The following ITGB1 variants were observed in gnomAD, a reference collection of about 807,000 sequenced individuals.
The protein encoded by ITGB1 is integrin subunit beta 1.
A neutral mutation model predicts 86.5 loss-of-function variants in ITGB1; 24 were observed. That is an observed-to-expected ratio of 0.28 (90% confidence interval 0.20 to 0.39). ITGB1 has a LOEUF of 0.39. Ranked by LOEUF, ITGB1 falls within the 10% of genes least tolerant of loss-of-function variation. The pLI, the probability that ITGB1 is intolerant of heterozygous loss-of-function variation, is 1.00. For missense variants in ITGB1, 556 were observed against 946.9 expected, an observed-to-expected ratio of 0.59 and a Z score of 5.42; for synonymous variants, 323 against 316.8, an observed-to-expected ratio of 1.02 and a Z score of -0.21.
chr10:32,936,224 C>G (rs560657818), intron 1 of ITGB1: 1 of 152,246 alleles, frequency 6.6e-6, no homozygotes, highest in Admixed American at 6.5e-5. Flanking sequence ...CACCTGAGGT[C>G]AGGAGTTTGA....
At chr10:32,920,506 C>A in intron 9 of ITGB1, 121 bp from the exon 10 acceptor site, 4 of 776,412 alleles carry the variant, frequency 5.2e-6, no homozygotes, top group South Asian at 1.9e-5. Context: ...CAAGCCAAAT[C>A]CAATTGAGTA....
chr10:32,902,077 C>A (rs1221743214), intron 15 of ITGB1, among the ~76,000 whole-genome samples: 1 of 152,154 alleles, frequency 6.6e-6, no homozygotes, highest in Non-Finnish European at 1.5e-5. Context: ...GCTTTCACTG[C>A]TGGGAGGGAG....
At chr10:32,934,711 T>G (rs1159012032) in intron 2 of ITGB1, among the ~76,000 whole-genome samples, 6 of 152,236 alleles carry the variant, frequency 3.9e-5, no homozygotes, top group African/African-American at 1.4e-4. Flanking sequence ...TGTTATGTCT[T>G]TTGCAAATTT....
rs2230394 is a variant in ITGB1 at position 32,928,182 on chromosome 10, G to A, written c.459C>T (p.Tyr153=). The part of the protein sequence containing the change: ...IDLYYLMDLS[Y]SMKDDLENVK... ...CATTCTCCAAATCGTCTTTCATTGA[G>A]TAAGACAGGTCCATAAGGTAGTAGA... Residue 153 remains tyrosine, a synonymous_variant, in exon 5 of 16, where the codon TAC becomes TAT. Transcript: ENST00000302278. 167,967 of 1,336,250 alleles carry A rather than the reference G, an allele frequency of 0.13. 12,308 individuals carry two copies. The highest frequency in any genetic ancestry group is 0.31 in the East Asian group (13,648 of 43,624). 82.8% of individuals were successfully genotyped at this position (1,336,250 alleles called of 1,614,324 possible).
chr10:32,946,543 G>GT (rs1486888670), intron 1 of ITGB1, among the ~76,000 whole-genome samples: 1 of 152,126 alleles, frequency 6.6e-6, no homozygotes, highest in Non-Finnish European at 1.5e-5. Flanking sequence ...CTGATGTACT[G>GT]TGACCTGGTA....
intron 1 of ITGB1, chr10:32,944,645 C>T: frequency 1.6e-6 from 1 of 623,204 alleles, no homozygotes; most frequent in Admixed American, 1.9e-5. Flanking sequence ...GTATAGCTAG[C>T]TGTTGGGTGG....
intron 1 of ITGB1, among the ~76,000 whole-genome samples, chr10:32,940,170 C>G (rs983538322): frequency 2.6e-5 from 4 of 151,878 alleles, no homozygotes; most frequent in African/African-American, 9.7e-5. Context: ...ATGGTGAAAC[C>G]CCGTCTCTAC....
chr10:32,946,408 T>C (rs1283940445), intron 1 of ITGB1, among the ~76,000 whole-genome samples: 3 of 152,222 alleles, frequency 2.0e-5, no homozygotes, highest in African/African-American at 7.2e-5. Context: ...ATCAAAGAAA[T>C]TGATACCTGC....
At chr10:32,917,158 G>A (rs575560266) in intron 11 of ITGB1, among the ~76,000 whole-genome samples, 4 of 152,262 alleles carry the variant, frequency 2.6e-5, no homozygotes, top group Non-Finnish European at 4.4e-5. Context: ...GCTGAAACTG[G>A]ATCCCTTCCT....
At chr10:32,955,278 T>C (rs769968518) in intron 1 of ITGB1, among the ~76,000 whole-genome samples, 3 of 152,178 alleles carry the variant, frequency 2.0e-5, no homozygotes, top group African/African-American at 4.8e-5. Flanking sequence ...ACTTACATAT[T>C]TACCCGGCAT....
intron 2 of ITGB1, 127 bp downstream of exon 2, chr10:32,935,364 GA>G (rs1220794234): frequency 1.9e-5 from 12 of 618,788 alleles, no homozygotes; most frequent in Non-Finnish European, 2.6e-5. Flanking sequence ...TGAGTAAGAG[GA>G]ACAATTGCAG....
At chr10:32,914,329 G>A (rs1303421716) in intron 11 of ITGB1, among the ~76,000 whole-genome samples, 1 of 152,178 alleles carries the variant, frequency 6.6e-6, no homozygotes, top group African/African-American at 2.4e-5. Context: ...AACCTTAAAT[G>A]TAAATGGGCA....
At chr10:32,910,176 A>T (rs1565819142) in intron 14 of ITGB1, 47 bp downstream of exon 14, 1 of 1,399,502 alleles carries the variant, frequency 7.1e-7, no homozygotes, top group East Asian at 2.3e-5. Context: ...AGCAGAAACA[A>T]GACATACAAG....
rs1348029876 is a variant in ITGB1 at position 32,910,358 on chromosome 10, C to A, written c.2029G>T (p.Asp677Tyr). ...GGTTGGACCGGCTGGGGTAATTTGT[C>A]CCGACTTTCTACCTTGGTAATGTTA... ...YFNITKVESR[D>Y]KLPQPVQPDP... is the part of the protein sequence containing the mutation. The change falls in exon 14 of 16, where the codon GAC (aspartate) becomes TAC (tyrosine). Residue 677 changes from aspartate to tyrosine, a missense_variant. Physicochemically the swap from Asp to Tyr is radical, Grantham distance 160. Coordinates refer to ENST00000302278, the MANE Select transcript of ITGB1 (RefSeq NM_002211.4). 6.2e-7 allele frequency: 1 copy of A among 1,600,130 alleles called. No individual in the cohort carries two copies. The highest frequency in any genetic ancestry group is 1.1e-5 in the South Asian group (1 of 90,728).
chr10:32,907,167 A>C, intron 15 of ITGB1: 1 of 1,052,876 alleles, frequency 9.5e-7, no homozygotes, highest in Non-Finnish European at 1.3e-6. Flanking sequence ...AATAGTTTCT[A>C]ATGATTTCAT....
At chr10:32,915,216 A>G in intron 11 of ITGB1, among the ~76,000 whole-genome samples, 1 of 152,198 alleles carries the variant, frequency 6.6e-6, no homozygotes, top group South Asian at 2.1e-4. Context: ...GAAAGCAGGA[A>G]AGATCTAAAA....
intron 1 of ITGB1, 59 bp from the exon 2 acceptor site, chr10:32,935,617 A>C: frequency 8.2e-7 from 1 of 1,223,426 alleles, no homozygotes; most frequent in South Asian, 1.2e-5. Context: ...AAATGCATTA[A>C]ATAGAAAGTA....
At chr10:32,938,208 T>C (rs895146300) in intron 1 of ITGB1, among the ~76,000 whole-genome samples, 2 of 152,208 alleles carry the variant, frequency 1.3e-5, no homozygotes, top group Non-Finnish European at 2.9e-5. Flanking sequence ...ACTATAATTC[T>C]AAGCAAGTCA....
intron 15 of ITGB1, chr10:32,906,698 G>C (rs1266646780): frequency 4.4e-6 from 1 of 229,282 alleles, no homozygotes; most frequent in Non-Finnish European, 8.6e-6. Context: ...TCATATACTG[G>C]AGTGCATTTG....
Sources: allele counts gnomAD v4.1 joint callset (sites outside exome capture counted in the v4.1 genomes callset), GRCh38; gene constraint gnomAD v4.1.1; transcripts MANE v1.5; gene names NCBI Gene and HGNC (gene_info 2026-07-23, HGNC 2026-07-21).